UBXN1: variants seen among roughly 807,000 people sequenced by gnomAD.
UBXN1 encodes the protein UBX domain protein 1, also known as UBX domain-containing protein 1.
Under a neutral mutation model 42.0 loss-of-function variants are expected in UBXN1, and 21 were observed. The ratio of observed to expected loss-of-function variants is 0.50; its 90% CI spans 0.35 to 0.72. UBXN1 has a LOEUF of 0.72. Among genes scored for constraint, UBXN1 ranks in the 30% least tolerant of loss-of-function variants. The pLI is 0.00. For missense variants in UBXN1, 374 were observed against 382.2 expected, an observed-to-expected ratio of 0.98 and a Z score of 0.18; for synonymous variants, 172 against 142.6, an observed-to-expected ratio of 1.21 and a Z score of -1.47.
intron 7 of UBXN1, 172 bp downstream of exon 7, chr11:62,677,346 G>T: frequency 1.4e-6 from 1 of 714,810 alleles, no homozygotes. Context: ...AATACAACTG[G>T]GGCAGGTGAA....
At chr11:62,677,181 A>G (rs1945033766) in intron 7 of UBXN1, 176 bp from the exon 8 acceptor site, 1 of 695,084 alleles carries the variant, frequency 1.4e-6, no homozygotes, top group South Asian at 2.0e-5. Flanking sequence ...CGGATGAGAG[A>G]CTCCCAGCTC....
intron 6 of UBXN1, 26 bp downstream of exon 6, chr11:62,677,754 AC>A: frequency 6.2e-7 from 1 of 1,614,088 alleles, no homozygotes; most frequent in African/African-American, 1.3e-5. Context: ...CCACTCCATT[AC>A]CCGTGGCGTC....
At chr11:62,677,420 T>A (rs1945037833) in intron 7 of UBXN1, 98 bp downstream of exon 7, 1 of 1,188,694 alleles carries the variant, frequency 8.4e-7, no homozygotes, top group African/African-American at 1.5e-5. Flanking sequence ...AAGGGAGAGA[T>A]TTGGCAAAGG....
intron 7 of UBXN1, 93 bp downstream of exon 7, chr11:62,677,425 C>CA (rs2134670942): frequency 8.0e-7 from 1 of 1,256,140 alleles, no homozygotes; most frequent in Non-Finnish European, 1.2e-6. Flanking sequence ...AGAGATTTGG[C>CA]AAAGGGCACG....
At chr11:62,678,639 C>A (rs1325227343) in intron 2 of UBXN1, 38 bp from the exon 3 acceptor site, 1 of 1,611,624 alleles carries the variant, frequency 6.2e-7, no homozygotes, top group East Asian at 2.2e-5. Context: ...AGCTTTGAGG[C>A]TGCCCCTCCC....
In UBXN1 at chr11:62,676,869, C is replaced by G; in HGVS notation, c.788G>C (p.Gly263Ala). 2.5e-6 allele frequency: 4 copies of G among 1,614,152 alleles called. No individual in the cohort carries two copies. Among genetic ancestry groups the G allele is most frequent in the Non-Finnish European group, 3.4e-6 (4 of 1,180,046 alleles). Residue 263 changes from glycine to alanine, a missense_variant, in exon 8 of 9, where the codon GGC (glycine) becomes GCC (alanine). Physicochemically the swap from Gly to Ala is moderately conservative, Grantham distance 60. Transcript: ENST00000301935. ...TTCTGAGAAGGCCCGTCTGGGGAAG[C>G]CACTGAGCAATTGCACAGGGTCCTG... ...GGQDPVQLLS[G>A]FPRRAFSEAD...
In UBXN1 at chr11:62,678,549, G is replaced by A. The variant is rs11543359; in HGVS notation, c.166C>T (p.Leu56Phe). ...PDVDEPLETP[L>F]GHILGREPTS... ...GGCTCCCGTCCCAGGATATGTCCAAGGGGAGTCTCTAAAGGCTCGTCCACA... is the reference window on the plus strand; with the variant it reads ...GGCTCCCGTCCCAGGATATGTCCAAAGGGAGTCTCTAAAGGCTCGTCCACA... The change falls in exon 3 of 9, where the codon CTT becomes TTT. Residue 56 changes from leucine (L) to phenylalanine (F), a missense_variant. By Grantham distance (22) the Leu-to-Phe change is conservative. Coordinates refer to ENST00000301935, the MANE Select transcript of UBXN1 (RefSeq NM_001286077.2). 805 of 1,612,134 alleles carry A rather than the reference G, an allele frequency of 5.0e-4. 5 individuals are homozygous for A. In the African/African-American group the frequency reaches 9.4e-3, roughly 19 times the overall value.
In UBXN1 at chr11:62,677,017, G is replaced by A. The variant is rs1486650135; in HGVS notation, c.652-12C>T. 6.2e-7 allele frequency: 1 copy of A among 1,604,878 alleles called. No individual in the cohort carries two copies. Among genetic ancestry groups the A allele is most frequent in the Non-Finnish European group, 8.5e-7 (1 of 1,178,716 alleles). ...TCTGGCAGCCTGACCTAAAGGGCAAGGGAGATACTCAGTATTGTGGGCATC... is the reference window on the plus strand; with the variant it reads ...TCTGGCAGCCTGACCTAAAGGGCAAAGGAGATACTCAGTATTGTGGGCATC... On this transcript the variant is annotated splice_polypyrimidine_tract_variant and intron_variant, in intron 7 of 8. Transcript: ENST00000301935.
intron 4 of UBXN1, 106 bp downstream of exon 4, chr11:62,678,233 A>G: frequency 6.2e-7 from 1 of 1,604,648 alleles, no homozygotes; most frequent in Non-Finnish European, 8.5e-7. Context: ...GGAAAAGAAA[A>G]TGCCAAGAAA....
chr11:62,677,597 G>A lies in UBXN1; in HGVS notation c.572C>T (p.Ala191Val), dbSNP rs142987858. ...AGAGGGAACAGGACCTGGCTCTGGTGCCACTGGGGGTGGCTGAGAGCCCAC... is the reference window on the plus strand; with the variant it reads ...AGAGGGAACAGGACCTGGCTCTGGTACCACTGGGGGTGGCTGAGAGCCCAC... The part of the protein sequence containing the change: ...GSVGSQPPPV[A>V]PEPGPVPSSP... The change falls in exon 7 of 9, where the codon GCA (alanine) becomes GTA (valine). Residue 191 changes from alanine (A) to valine (V), a missense_variant. By Grantham distance (64) the Ala-to-Val change is moderately conservative (BLOSUM62 0). Transcript: ENST00000301935. 4 of 1,613,238 alleles carry A rather than the reference G, an allele frequency of 2.5e-6. No homozygotes were observed. In the African/African-American group the frequency reaches 5.3e-5, roughly 22 times the overall value.
chr11:62,678,778 G>C lies in UBXN1; in HGVS notation c.60-35C>G, dbSNP rs1471250263. ...GAAACACCATGAATAGCGCCCACGA[G>C]CCATGGTGACGGTCAGGCTGGGGCA... is the stretch of plus-strand genomic sequence containing the variant. On this transcript the variant is annotated intron_variant, in intron 1 of 8. Coordinates refer to ENST00000301935, the MANE Select transcript of UBXN1 (RefSeq NM_001286077.2). 6 of 1,613,004 alleles carry C rather than the reference G, an allele frequency of 3.7e-6. No individual in the cohort carries two copies. In the South Asian group the frequency reaches 6.6e-5, roughly 18 times the overall value.
In UBXN1 at chr11:62,678,385, C is replaced by T; in HGVS notation, c.244G>A (p.Gly82Ser). 1.2e-6 allele frequency: 2 copies of T among 1,614,150 alleles called. No individual in the cohort carries two copies. The highest frequency in any genetic ancestry group is 8.5e-7 in the Non-Finnish European group (1 of 1,180,032). ...TCCTCTTCACTCAAAGCGGGTTTGC[C>T]TTCTCCGGCAGCAGAACCAGATCCT... is the stretch of plus-strand genomic sequence containing the variant. ...LEGSGSAAGEGKPALSEEERQ... is the reference protein window; with the variant it reads ...LEGSGSAAGESKPALSEEERQ... Residue 82 changes from glycine to serine, a missense_variant, in exon 4 of 9, where the codon GGC (glycine) becomes AGC (serine). Physicochemically the swap from Gly to Ser is moderately conservative, Grantham distance 56. Transcript: ENST00000301935.
intron 4 of UBXN1, 33 bp from the exon 5 acceptor site, chr11:62,678,151 A>G (rs372687813): frequency 6.8e-6 from 11 of 1,611,782 alleles, no homozygotes; most frequent in Middle Eastern, 3.3e-4. Context: ...TTCAAGAGAA[A>G]TGGACAGAGT....
intron 3 of UBXN1, 39 bp downstream of exon 3, chr11:62,678,456 C>T: frequency 6.2e-7 from 1 of 1,613,896 alleles, no homozygotes. Flanking sequence ...TCTCCTCGGA[C>T]CCTCCTGAAT....
Position 62,678,685 on chromosome 11 carries a change from C to G in UBXN1, c.113+5G>C, listed in dbSNP as rs1335144707. The G allele has an allele frequency of 6.2e-7, 1 of 1,611,978 alleles. No homozygotes were observed. Among genetic ancestry groups the G allele is most frequent in the South Asian group, 1.1e-5 (1 of 90,968 alleles). ...AATTCTCCGCCACCCGGGACGAGCG[C>G]TTACCAGTCCATCGCAGCCTCGATG... On this transcript the variant is annotated splice_donor_5th_base_variant and intron_variant, in intron 2 of 8. Coordinates refer to ENST00000301935, the MANE Select transcript of UBXN1 (RefSeq NM_001286077.2).
chr11:62,678,617 G>A lies in UBXN1; in HGVS notation c.114-16C>T, dbSNP rs370914438. 5.6e-6 allele frequency: 9 copies of A among 1,612,802 alleles called. No individual in the cohort carries two copies. Among genetic ancestry groups the A allele is most frequent in the East Asian group, 2.2e-5 (1 of 44,842 alleles). On this transcript the variant is annotated splice_polypyrimidine_tract_variant and intron_variant, in intron 2 of 8. Transcript: ENST00000301935. ...CTCCATCAGCCTGGCAGGGAAAGTG[G>A]GCGGGGAGGTTAGCTTTGAGGCTGC...
Position 62,678,322 on chromosome 11 carries a change from G to A in UBXN1, c.290+17C>T. The A allele has an allele frequency of 6.2e-7, 1 of 1,614,192 alleles. No individual in the cohort carries two copies. Among genetic ancestry groups the A allele is most frequent in the Non-Finnish European group, 8.5e-7 (1 of 1,180,032 alleles). ...TGGAAGACGACCCTCAGACACGTGA[G>A]ATTGTTGTTACTGTACCTCTTAGTT... On this transcript the variant is annotated intron_variant, in intron 4 of 8. Transcript: ENST00000301935.
Position 62,678,034 on chromosome 11 carries a change from C to G in UBXN1, c.375G>C (p.Arg125Ser). The G allele has an allele frequency of 1.9e-6, 3 of 1,614,168 alleles. No individual in the cohort carries two copies. The highest frequency in any genetic ancestry group is 2.5e-6 in the Non-Finnish European group (3 of 1,180,038). ...REALERERQR[R>S]RQGQELSAAR... Reference sequence around the variant, plus strand: ...CTGCTGACAACTCTTGCCCTTGTCTCCTGCGCTGCCGTTCCCGTTCCAATG... The same window carrying G: ...CTGCTGACAACTCTTGCCCTTGTCTGCTGCGCTGCCGTTCCCGTTCCAATG... Residue 125 changes from arginine to serine, a missense_variant, in exon 5 of 9, where the codon AGG becomes AGC. Physicochemically the swap from Arg to Ser is moderately radical, Grantham distance 110. Transcript: ENST00000301935.
At position 62,676,987 on chromosome 11, in the gene UBXN1, T is replaced by TC; in HGVS notation, c.669dup (p.Thr224AspfsTer50). On this transcript the variant is annotated frameshift_variant, in exon 8 of 9. Transcript: ENST00000301935. LOFTEE classifies it high-confidence loss of function. ...GCCCGGAACGTCTGGGTCAGTGAGGTCCCATCTGGCAGCCTGACCTAAAGG... is the reference window on the plus strand; with the variant it reads ...GCCCGGAACGTCTGGGTCAGTGAGGTCCCCATCTGGCAGCCTGACCTAAAGG... 1 of 1,610,096 alleles carries TC rather than the reference T, an allele frequency of 6.2e-7. No individual in the cohort carries two copies. Among genetic ancestry groups the TC allele is most frequent in the Non-Finnish European group, 8.5e-7 (1 of 1,179,744 alleles).
Sources: allele counts gnomAD v4.1 joint callset, GRCh38; gene constraint gnomAD v4.1.1; transcripts MANE v1.5; gene names NCBI Gene and HGNC (gene_info 2026-07-23, HGNC 2026-07-21).